The following SORCS2 variants were observed in gnomAD, a reference collection of about 807,000 sequenced individuals.
SORCS2 encodes VPS10 domain-containing receptor SorCS2.
Under a neutral mutation model 141.6 loss-of-function variants are expected in SORCS2, and 100 were observed. The ratio of observed to expected loss-of-function variants is 0.71; its 90% confidence interval spans 0.60 to 0.83. SORCS2 has a LOEUF of 0.83. Ranked by LOEUF, SORCS2 falls within the 40% of genes least tolerant of loss-of-function variation. SORCS2 has a pLI of 0.00. For synonymous variants in SORCS2, 789 were observed against 676.9 expected (o/e 1.17, Z -2.57); for missense variants, 1,646 against 1,560.2 (o/e 1.05, Z -0.93).
intron 4 of SORCS2, among the ~76,000 whole-genome samples, chr4:7,647,559 G>A (rs1721159235): frequency 6.6e-6 from 1 of 152,194 alleles, no homozygotes; most frequent in Non-Finnish European, 1.5e-5. Context: ...AAGAGAGAAG[G>A]GACGTTTGCT....
Position 7,436,487 on chromosome 4 carries a change from G to A in SORCS2, c.548+40132G>A, listed in dbSNP as rs116126692. ...CTTGAGACCCCACCCCCACGGCGCT[G>A]CCTTGGTCTCTTGCACTGAGGGGGT... is the stretch of plus-strand genomic sequence containing the variant. On this transcript the variant is annotated intron_variant, in intron 2 of 26. Transcript: ENST00000507866. 1.9e-3 allele frequency among the ~76,000 whole-genome samples: 294 copies of A among 152,350 alleles called. 1 individual carries two copies. The highest frequency in any genetic ancestry group is 3.6e-3 in the Non-Finnish European group (244 of 68,036).
intron 2 of SORCS2, among the ~76,000 whole-genome samples, chr4:7,524,463 A>G (rs1733535954): frequency 6.6e-6 from 1 of 152,034 alleles, no homozygotes; most frequent in South Asian, 2.1e-4. Context: ...CCATCACCTC[A>G]ACTCACGCCC....
intron 1 of SORCS2, among the ~76,000 whole-genome samples, chr4:7,208,757 C>G (rs1727890225): frequency 6.6e-6 from 1 of 152,202 alleles, no homozygotes; most frequent in Non-Finnish European, 1.5e-5. Flanking sequence ...ACCCCTCTCT[C>G]TAGTCCTATA....
At position 7,623,912 on chromosome 4, in the gene SORCS2, A is replaced by G. The variant is rs140392411; in HGVS notation, c.649-14416A>G. Among the ~76,000 whole-genome samples the G allele has an allele frequency of 4.4e-3, 667 of 152,156 alleles. 8 individuals are homozygous for G. The highest frequency in any genetic ancestry group is 0.015 in the African/African-American group (639 of 41,518). ...AGAGGAAGAGCAGCGCGCGTCCCATATCCACCTCTGCAGCAGCTGTCAGGG... is the reference window on the plus strand; with the variant it reads ...AGAGGAAGAGCAGCGCGCGTCCCATGTCCACCTCTGCAGCAGCTGTCAGGG... On this transcript the variant is annotated intron_variant, in intron 3 of 26. Transcript: ENST00000507866.
chr4:7,399,966 A>G (rs1379137820), intron 2 of SORCS2, among the ~76,000 whole-genome samples: 1 of 152,110 alleles, frequency 6.6e-6, no homozygotes, highest in South Asian at 2.1e-4. Flanking sequence ...CCACCGGTCT[A>G]GGGTCTGGAG....
chr4:7,708,014 G>C (rs946381417), intron 14 of SORCS2, among the ~76,000 whole-genome samples: 1 of 152,208 alleles, frequency 6.6e-6, no homozygotes, highest in East Asian at 1.9e-4. Context: ...CCACAGCCCC[G>C]AAACTGGGAA....
chr4:7,637,009 TGCC>T (rs1720300807), intron 3 of SORCS2, among the ~76,000 whole-genome samples: 1 of 152,158 alleles, frequency 6.6e-6, no homozygotes, highest in Non-Finnish European at 1.5e-5. Context: ...TCTCTGCCTC[TGCC>T]TGTGTGTTGC....
chr4:7,433,683 G>A, intron 2 of SORCS2: 1 of 1,612,338 alleles, frequency 6.2e-7, no homozygotes, highest in African/African-American at 1.3e-5. Flanking sequence ...GCAGCCTCTT[G>A]CACCCATTGC....
intron 23 of SORCS2, among the ~76,000 whole-genome samples, chr4:7,730,052 C>T (rs2148892367): frequency 6.6e-6 from 1 of 152,336 alleles, no homozygotes; most frequent in East Asian, 1.9e-4. Context: ...AGGCTAAGCA[C>T]TGTCAGGGAG....
At chr4:7,308,703 A>G (rs1717992989) in intron 1 of SORCS2, among the ~76,000 whole-genome samples, 1 of 151,334 alleles carries the variant, frequency 6.6e-6, no homozygotes, top group African/African-American at 2.4e-5. Flanking sequence ...TCTTCCCACC[A>G]GCACCCTGTC....
At chr4:7,392,719 T>C (rs771973667) in intron 1 of SORCS2, among the ~76,000 whole-genome samples, 1 of 151,942 alleles carries the variant, frequency 6.6e-6, no homozygotes, top group Non-Finnish European at 1.5e-5. Context: ...GTCCCGTGCT[T>C]AGGAGGCAGG....
chr4:7,601,819 C>T (rs990114600), intron 3 of SORCS2, among the ~76,000 whole-genome samples: 2 of 152,036 alleles, frequency 1.3e-5, no homozygotes, highest in African/African-American at 4.8e-5. Context: ...ACCCTGCCGC[C>T]TTCCGCAGTG....
intron 12 of SORCS2, among the ~76,000 whole-genome samples, chr4:7,700,936 T>A (rs1242603181): frequency 6.6e-6 from 1 of 152,216 alleles, no homozygotes; most frequent in Non-Finnish European, 1.5e-5. Flanking sequence ...GGCAAGTCAC[T>A]GTGTCTCTGA....
At position 7,201,760 on chromosome 4, in the gene SORCS2, C is replaced by G. The variant is rs73796484; in HGVS notation, c.480+8634C>G. ...AATGGCCCACTTTGTCCTCGCCCCTCCTTAGTCGCTAGTTTGGGTGGGTGC... is the reference window on the plus strand; with the variant it reads ...AATGGCCCACTTTGTCCTCGCCCCTGCTTAGTCGCTAGTTTGGGTGGGTGC... On this transcript the variant is annotated intron_variant, in intron 1 of 26. Transcript: ENST00000507866. This position sits in a 1 kb window ranked among gnomAD's most constrained non-coding sequence, Gnocchi z 4.4. Among the ~76,000 whole-genome samples, 4 of 152,202 alleles carry G rather than the reference C, an allele frequency of 2.6e-5. No individual in the cohort carries two copies. In the South Asian group the frequency reaches 6.2e-4, roughly 24 times the overall value.
intron 3 of SORCS2, among the ~76,000 whole-genome samples, chr4:7,616,291 A>G (rs564721552): frequency 8.2e-4 from 125 of 152,162 alleles, no homozygotes; most frequent in Middle Eastern, 3.4e-3. Flanking sequence ...TCACATATAC[A>G]TACACACACA....
intron 2 of SORCS2, among the ~76,000 whole-genome samples, chr4:7,466,440 G>A (rs1399978109): frequency 1.3e-5 from 2 of 152,172 alleles, no homozygotes; most frequent in Non-Finnish European, 2.9e-5. Flanking sequence ...GCTGGGAAAT[G>A]TGGTCTTGGT....
chr4:7,378,239 C>T (rs935149293), intron 1 of SORCS2, among the ~76,000 whole-genome samples: 1 of 152,174 alleles, frequency 6.6e-6, no homozygotes, highest in Admixed American at 6.5e-5. Flanking sequence ...GAAATTGACT[C>T]CATTGCTTCT....
At chr4:7,453,642 C>T (rs1728650722) in intron 2 of SORCS2, among the ~76,000 whole-genome samples, 4 of 109,464 alleles carry the variant, frequency 3.7e-5, no homozygotes, top group Admixed American at 9.7e-5. Context: ...TGGGGTCAGG[C>T]ACTGTGTTGG....
intron 1 of SORCS2, among the ~76,000 whole-genome samples, chr4:7,296,783 C>G (rs778204499): frequency 7.9e-5 from 12 of 152,188 alleles, no homozygotes; most frequent in Non-Finnish European, 1.3e-4. Flanking sequence ...CAGACTCTTT[C>G]CGGAGAGGTG....
Sources: gnomAD v4.1 joint callset for allele counts (sites outside exome capture counted in the v4.1 genomes callset) on GRCh38, gnomAD v4.1.1 for gene constraint, Gnocchi (gnomAD v3.1) non-coding constraint, MANE v1.5 for transcripts, NCBI Gene and HGNC (gene_info 2026-07-23, HGNC 2026-07-21) for gene names.